The following SYNE1 variants were observed in gnomAD, a reference collection of about 807,000 sequenced individuals.
SYNE1 encodes spectrin repeat containing nuclear envelope protein 1, also known as nesprin-1.
In SYNE1, 616 loss-of-function variants were observed where a neutral mutation model predicts 1,111.0. The observed-to-expected ratio is 0.55, with a 90% CI of 0.52 to 0.59. SYNE1 has a LOEUF of 0.59. SYNE1 is among the 20% of genes least tolerant of loss of function. The pLI is 0.00. For missense variants in SYNE1, 10,006 were observed against 10,417.0 expected (o/e 0.96, Z 1.72); for synonymous variants, 3,855 against 3,825.8 (o/e 1.01, Z -0.28).
intron 3 of SYNE1, among the ~76,000 whole-genome samples, chr6:152,573,371 CCTT>C (rs2099479418): frequency 6.8e-6 from 1 of 146,352 alleles, no homozygotes; most frequent in Non-Finnish European, 1.5e-5. Context: ...GTTATGGTCC[CCTT>C]CCTGTGTCCA....
At chr6:152,601,217 T>G (rs2099595232) in intron 3 of SYNE1, among the ~76,000 whole-genome samples, 1 of 152,192 alleles carries the variant, frequency 6.6e-6, no homozygotes, top group South Asian at 2.1e-4. Flanking sequence ...TCAAGTCAAA[T>G]GCCTAAAAAT....
chr6:152,453,788 C>T, intron 24 of SYNE1, 68 bp from the exon 25 acceptor site: 1 of 1,598,946 alleles, frequency 6.3e-7, no homozygotes, highest in Non-Finnish European at 8.6e-7. Context: ...GCACAATCAG[C>T]CTCTAAGCCT....
intron 41 of SYNE1, among the ~76,000 whole-genome samples, chr6:152,413,951 T>C (rs1047172494): frequency 8.6e-5 from 13 of 151,506 alleles, no homozygotes; most frequent in Admixed American, 2.6e-4. Flanking sequence ...AGTTGTTTCA[T>C]TCAATATCAA....
intron 49 of SYNE1, 128 bp from the exon 50 acceptor site, chr6:152,397,108 A>G: frequency 3.3e-6 from 3 of 899,988 alleles, no homozygotes; most frequent in Non-Finnish European, 5.3e-6. Context: ...AGTAAAAATG[A>G]TGCATACAAT....
At chr6:152,269,430 C>A in intron 98 of SYNE1, 144 bp from the exon 99 acceptor site, 1 of 935,102 alleles carries the variant, frequency 1.1e-6, no homozygotes, top group Non-Finnish European at 1.6e-6. Context: ...TTAAAAAAAA[C>A]AGTAACACAA....
intron 3 of SYNE1, among the ~76,000 whole-genome samples, chr6:152,557,495 G>A (rs886268345): frequency 6.6e-6 from 1 of 152,002 alleles, no homozygotes. Flanking sequence ...TAAACATAAA[G>A]AGATCTTCAC....
chr6:152,341,691 C>A (rs551288122), intron 74 of SYNE1, among the ~76,000 whole-genome samples: 1 of 152,196 alleles, frequency 6.6e-6, no homozygotes, highest in African/African-American at 2.4e-5. Context: ...AGCTCACCAG[C>A]CACTAAGGGC....
intron 24 of SYNE1, among the ~76,000 whole-genome samples, chr6:152,454,369 T>C (rs2098678553): frequency 6.6e-6 from 1 of 152,158 alleles, no homozygotes; most frequent in South Asian, 2.1e-4. Context: ...ATAGGATTAG[T>C]GCGCTTATGA....
chr6:152,329,817 C>A lies in SYNE1; in HGVS notation c.14868G>T (p.Lys4956Asn), dbSNP rs1251541992. Reference protein sequence around the residue: ...HKEKEKFTKAKELISADLEHS... With the variant: ...HKEKEKFTKANELISADLEHS... Reference sequence around the variant, plus strand: ...GTTCTAAATCCGCAGAAATCAGCTCCTTGGCCTTTGTGAACTTCTCCTTTT... The same window carrying A: ...GTTCTAAATCCGCAGAAATCAGCTCATTGGCCTTTGTGAACTTCTCCTTTT... The change falls in exon 78 of 146, where the codon AAG becomes AAT. Residue 4956 changes from lysine (K) to asparagine (N), a missense_variant. By Grantham distance (94) the Lys-to-Asn change is moderately conservative. Coordinates refer to ENST00000367255, the MANE Select transcript of SYNE1 (RefSeq NM_182961.4). 6.2e-7 allele frequency: 1 copy of A among 1,614,200 alleles called. No individual in the cohort carries two copies. The highest frequency in any genetic ancestry group is 1.3e-5 in the African/African-American group (1 of 75,054).
chr6:152,309,473 GA>G (rs900253945), intron 90 of SYNE1, among the ~76,000 whole-genome samples: 3 of 152,042 alleles, frequency 2.0e-5, no homozygotes, highest in Admixed American at 6.6e-5. Context: ...GCTGAAATAT[GA>G]AAAAAACTCT....
chr6:152,465,764 CAT>C lies in SYNE1; in HGVS notation c.1729+216_1729+217del, dbSNP rs1378132142. Among the ~76,000 whole-genome samples the C allele has an allele frequency of 0.012, 1,265 of 105,830 alleles. 21 individuals carry two copies. The East Asian group carries it at 0.12, about 10-fold the overall frequency. The allele number at this position is 105,830 out of a possible 152,430, so 69.4% of individuals were successfully genotyped here. ...TATTTTGTTCTCTCTTAGAAGAACACATACACACACACACACACACACACACA... is the reference window on the plus strand; with the variant it reads ...TATTTTGTTCTCTCTTAGAAGAACACACACACACACACACACACACACACA... On this transcript the variant is annotated intron_variant, in intron 17 of 145. Coordinates refer to ENST00000367255, the MANE Select transcript of SYNE1 (RefSeq NM_182961.4).
rs34434403 is a variant in SYNE1 at position 152,191,233 on chromosome 6, CTTTT to C, written c.23146-1830_23146-1827del. On this transcript the variant is annotated intron_variant, in intron 127 of 145. Coordinates refer to ENST00000367255, the MANE Select transcript of SYNE1 (RefSeq NM_182961.4). ...TCAGAGATATTGTTCTATAATTTTCCTTTTTTTTTTTTTTTTGATGTGTCTTTGT... is the reference window on the plus strand; with the variant it reads ...TCAGAGATATTGTTCTATAATTTTCCTTTTTTTTTTTTGATGTGTCTTTGT... Among the ~76,000 whole-genome samples, 591 of 140,190 alleles carry C rather than the reference CTTTT, an allele frequency of 4.2e-3. 7 individuals are homozygous for C. The highest frequency in any genetic ancestry group is 0.013 in the African/African-American group (498 of 38,462). The allele number at this position is 140,190 out of a possible 152,430, so 92.0% of individuals were successfully genotyped here.
chr6:152,491,666 G>C (rs770310522), intron 11 of SYNE1, among the ~76,000 whole-genome samples: 7 of 152,228 alleles, frequency 4.6e-5, no homozygotes, highest in South Asian at 2.1e-4. Context: ...ATGTGCAAAT[G>C]GTCTGAGATG....
At position 152,472,378 on chromosome 6, in the gene SYNE1, T is replaced by C. The variant is rs770744947; in HGVS notation, c.1386A>G (p.Ala462=). ...LLQNTDAHKR[A]FHEIYRTRSV... ...ACCTGGTCCGGTAGATTTCATGGAA[T>C]GCTCTTTTGTGGGCATCCGTGTTTT... is the stretch of plus-strand genomic sequence containing the variant. Residue 462 remains alanine (A), a synonymous_variant, in exon 15 of 146, where the codon GCA becomes GCG. Transcript: ENST00000367255. 1 of 1,614,092 alleles carries C rather than the reference T, an allele frequency of 6.2e-7. No homozygotes were observed. The highest frequency in any genetic ancestry group is 8.5e-7 in the Non-Finnish European group (1 of 1,179,988).
chr6:152,413,213 T>G (rs1264019624), intron 42 of SYNE1, 139 bp downstream of exon 42: 3 of 1,021,646 alleles, frequency 2.9e-6, no homozygotes, highest in Non-Finnish European at 4.5e-6. Flanking sequence ...AAATTTTCAA[T>G]GTTATGAAAG....
chr6:152,496,340 A>C (rs1434939194), intron 11 of SYNE1, among the ~76,000 whole-genome samples: 1 of 152,170 alleles, frequency 6.6e-6, no homozygotes, highest in African/African-American at 2.4e-5. Flanking sequence ...ACATAAAAAA[A>C]CTCAAGGATA....
intron 119 of SYNE1, among the ~76,000 whole-genome samples, chr6:152,219,493 G>GAAAA (rs34187904): frequency 7.5e-6 from 1 of 132,980 alleles, no homozygotes; most frequent in African/African-American, 2.7e-5. Context: ...ACATAAACAA[G>GAAAA]AAAAAAAAAA....
intron 4 of SYNE1, among the ~76,000 whole-genome samples, chr6:152,537,208 G>A (rs970490842): frequency 5.3e-5 from 8 of 151,874 alleles, no homozygotes; most frequent in African/African-American, 1.5e-4. Context: ...ACAACAACCC[G>A]CCAATTGTTA....
chr6:152,151,328 T>C (rs963235842), intron 135 of SYNE1, among the ~76,000 whole-genome samples: 2 of 151,984 alleles, frequency 1.3e-5, no homozygotes, highest in African/African-American at 4.8e-5. Flanking sequence ...ACAATATCGA[T>C]ATCAAATAAG....
Sources: gnomAD v4.1 joint callset for allele counts (sites outside exome capture counted in the v4.1 genomes callset) on GRCh38, gnomAD v4.1.1 for gene constraint, MANE v1.5 for transcripts, NCBI Gene and HGNC (gene_info 2026-07-23, HGNC 2026-07-21) for gene names.